AUTS2: variants seen among roughly 807,000 people sequenced by gnomAD.
The protein encoded by AUTS2 is activator of transcription and developmental regulator AUTS2.
Under a neutral mutation model 112.4 loss-of-function variants are expected in AUTS2, and 17 were observed. The observed-to-expected ratio is 0.15, with a 90% CI of 0.10 to 0.23. AUTS2 has a LOEUF of 0.23. Ranked by LOEUF, AUTS2 falls within the 10% of genes least tolerant of loss-of-function variation. The pLI is 1.00. For synonymous variants in AUTS2, 751 were observed against 702.7 expected (o/e 1.07, Z -1.09); for missense variants, 1,510 against 1,701.6 (o/e 0.89, Z 1.98).
intron 2 of AUTS2, among the ~76,000 whole-genome samples, chr7:69,930,123 A>G (rs934994470): frequency 5.3e-5 from 8 of 152,224 alleles, no homozygotes; most frequent in Non-Finnish European, 1.2e-4. Context: ...TCATCTGTGA[A>G]GTATGAGTTT....
intron 5 of AUTS2, among the ~76,000 whole-genome samples, chr7:70,528,106 T>A (rs372945471): frequency 8.5e-4 from 53 of 62,510 alleles, no homozygotes; most frequent in Middle Eastern, 0.012. Context: ...TTTTTTTTTT[T>A]TTTTTTTTTT....
In AUTS2 at chr7:70,047,149, C is replaced by G. The variant is rs111695024; in HGVS notation, c.523-70983C>G. ...ATGAAATTACCCCATGGAATATAAT[C>G]TTTTTTGAGTAGAGGATGGTATTTA... On this transcript the variant is annotated intron_variant, in intron 2 of 18. Transcript: ENST00000342771. Among the ~76,000 whole-genome samples the G allele has an allele frequency of 4.3e-4, 65 of 152,278 alleles. 5 individuals carry two copies. Among genetic ancestry groups the G allele is most frequent in the African/African-American group, 1.4e-3 (60 of 41,550 alleles).
intron 2 of AUTS2, among the ~76,000 whole-genome samples, chr7:70,051,580 G>A (rs757089231): frequency 3.6e-4 from 54 of 151,950 alleles, no homozygotes; most frequent in Non-Finnish European, 6.8e-4. Flanking sequence ...TTACCCAGGC[G>A]TGGTGGTGGG....
At chr7:70,302,540 C>A (rs147154795) in intron 4 of AUTS2, among the ~76,000 whole-genome samples, 1 of 152,058 alleles carries the variant, frequency 6.6e-6, no homozygotes, top group Non-Finnish European at 1.5e-5. Flanking sequence ...CTTATGCATC[C>A]TTTTCCTCTC....
In AUTS2 at chr7:70,078,581, A is replaced by G. The variant is rs560076067; in HGVS notation, c.523-39551A>G. ...CATGCTCTACCTACCTCATGTCTTC[A>G]TTTTCTGTGCCACTTTCTTGCTGTG... On this transcript the variant is annotated intron_variant, in intron 2 of 18. Transcript: ENST00000342771. 9.9e-5 allele frequency among the ~76,000 whole-genome samples: 15 copies of G among 152,154 alleles called. No individual in the cohort carries two copies. In the South Asian group the frequency reaches 3.1e-3, roughly 32 times the overall value.
intron 1 of AUTS2, among the ~76,000 whole-genome samples, chr7:69,699,661 T>C (rs548672): frequency 0.053 from 7,743 of 147,376 alleles, 162 homozygotes; most frequent in Middle Eastern, 0.11. Flanking sequence ...TTTTTTTTTT[T>C]CCCGAGACAG....
At chr7:70,677,988 A>G (rs1360312334) in intron 5 of AUTS2, among the ~76,000 whole-genome samples, 1 of 152,144 alleles carries the variant, frequency 6.6e-6, no homozygotes, top group Non-Finnish European at 1.5e-5. Flanking sequence ...AGGCTGAGGC[A>G]GGAGAATGGC....
At chr7:70,350,117 A>C (rs1451849008) in intron 4 of AUTS2, among the ~76,000 whole-genome samples, 1 of 150,106 alleles carries the variant, frequency 6.7e-6, no homozygotes, top group Non-Finnish European at 1.5e-5. Context: ...TAGGAGATTT[A>C]AAAGTGTGAG....
At chr7:70,545,744 C>A (rs13227106) in intron 5 of AUTS2, among the ~76,000 whole-genome samples, 1 of 152,036 alleles carries the variant, frequency 6.6e-6, no homozygotes, top group African/African-American at 2.4e-5. Context: ...TGTCCCTCCC[C>A]CTACTGATAC....
chr7:69,905,618 C>T (rs890778541), intron 2 of AUTS2, among the ~76,000 whole-genome samples: 20 of 152,218 alleles, frequency 1.3e-4, no homozygotes, highest in African/African-American at 3.9e-4. Context: ...TCTGGACACC[C>T]GGCTGATTGC....
At chr7:70,067,050 C>T (rs1434900522) in intron 2 of AUTS2, among the ~76,000 whole-genome samples, 2 of 152,092 alleles carry the variant, frequency 1.3e-5, no homozygotes, top group Non-Finnish European at 2.9e-5. Flanking sequence ...AAACATCTTT[C>T]TCATTTAGGC....
chr7:69,731,806 A>T (rs1449899600), intron 1 of AUTS2, among the ~76,000 whole-genome samples: 1 of 152,130 alleles, frequency 6.6e-6, no homozygotes, highest in Non-Finnish European at 1.5e-5. Context: ...TGTCTTATTC[A>T]TCTGGGTTGT....
chr7:70,713,779 C>A (rs1810195715), intron 6 of AUTS2, among the ~76,000 whole-genome samples: 1 of 152,124 alleles, frequency 6.6e-6, no homozygotes, highest in South Asian at 2.1e-4. Context: ...CCTTGTAGTC[C>A]CAGCTACTCA....
At chr7:69,846,817 G>A (rs1213230495) in intron 1 of AUTS2, among the ~76,000 whole-genome samples, 5 of 152,132 alleles carry the variant, frequency 3.3e-5, no homozygotes, top group African/African-American at 4.8e-5. Context: ...CAAGTGATCC[G>A]CCTGCCTTGG....
chr7:70,686,294 AC>A (rs773505136), intron 5 of AUTS2, among the ~76,000 whole-genome samples: 2 of 152,184 alleles, frequency 1.3e-5, no homozygotes, highest in Non-Finnish European at 2.9e-5. Flanking sequence ...AATTCATTTA[AC>A]CCTAACAACA....
intron 1 of AUTS2, among the ~76,000 whole-genome samples, chr7:69,734,189 A>G (rs530316010): frequency 1.3e-5 from 2 of 152,302 alleles, no homozygotes; most frequent in East Asian, 1.9e-4. Flanking sequence ...ATGTAGGTTA[A>G]TACCTTTTTA....
At chr7:70,424,176 C>T (rs371723483) in intron 4 of AUTS2, among the ~76,000 whole-genome samples, 1 of 152,130 alleles carries the variant, frequency 6.6e-6, no homozygotes, top group Non-Finnish European at 1.5e-5. Context: ...TTTGAACCTA[C>T]GTCAGCCTCA....
In AUTS2 at chr7:69,917,575, TA is replaced by T. The variant is rs780819544; in HGVS notation, c.522+18078del. ...TGTATAGTGGTAAAATCTGAGATTT[TA>T]GTGCACCCATCACCTAGTAATGTAG... On this transcript the variant is annotated intron_variant, in intron 2 of 18. Transcript: ENST00000342771. Among the ~76,000 whole-genome samples the T allele has an allele frequency of 1.2e-4, 18 of 151,630 alleles. No individual in the cohort carries two copies. In the East Asian group the frequency reaches 1.9e-3, roughly 16 times the overall value.
Position 70,791,052 on chromosome 7 carries a change from G to T in AUTS2, c.*56G>T. ...GAAACCCTAGGCAGACACCAGGCCA[G>T]GCTTGAGAGACAGAACTCCTGCATG... On this transcript the variant is annotated 3_prime_UTR_variant, in exon 19 of 19. Coordinates refer to ENST00000342771, the MANE Select transcript of AUTS2 (RefSeq NM_015570.4). 7.0e-7 allele frequency: 1 copy of T among 1,428,726 alleles called. No individual in the cohort carries two copies. Among genetic ancestry groups the T allele is most frequent in the Non-Finnish European group, 9.1e-7 (1 of 1,095,488 alleles). The allele number at this position is 1,428,726 out of a possible 1,614,324, so 88.5% of individuals were successfully genotyped here.
Sources: allele counts gnomAD v4.1 joint callset (sites outside exome capture counted in the v4.1 genomes callset), GRCh38; gene constraint gnomAD v4.1.1; transcripts MANE v1.5; gene names NCBI Gene and HGNC (gene_info 2026-07-23, HGNC 2026-07-21).